The following DGKI variants were observed in gnomAD, a reference collection of about 807,000 sequenced individuals.
DGKI encodes the protein DAG kinase iota.
DGKI carries 55 observed loss-of-function variants against 147.5 expected under a neutral mutation model. That is an observed-to-expected ratio of 0.37 (90% CI 0.30 to 0.47). DGKI has a LOEUF of 0.47. Among genes scored for constraint, DGKI ranks in the 20% least tolerant of loss-of-function variants. The pLI, the probability that DGKI is intolerant of heterozygous loss-of-function variation, is 1.00. For synonymous variants in DGKI, 469 were observed against 477.1 expected, an observed-to-expected ratio of 0.98 and a Z score of 0.22; for missense variants, 1,007 against 1,323.8, an observed-to-expected ratio of 0.76 and a Z score of 3.71.
At chr7:137,516,733 A>G (rs1055375933) in intron 21 of DGKI, among the ~76,000 whole-genome samples, 3 of 152,084 alleles carry the variant, frequency 2.0e-5, no homozygotes, top group Non-Finnish European at 4.4e-5. Context: ...CATATAACTG[A>G]TGCAAACATG....
chr7:137,785,695 C>A (rs770917458), intron 1 of DGKI, among the ~76,000 whole-genome samples: 10 of 151,936 alleles, frequency 6.6e-5, no homozygotes, highest in Non-Finnish European at 1.0e-4. Context: ...AGACCAATAC[C>A]CTTGATCAAC....
intron 1 of DGKI, among the ~76,000 whole-genome samples, chr7:137,804,948 G>A (rs1241496753): frequency 6.6e-6 from 1 of 152,098 alleles, no homozygotes; most frequent in East Asian, 1.9e-4. Flanking sequence ...GTTTTCAGCT[G>A]TATTTCCACC....
At chr7:137,523,419 G>A (rs1817031956) in intron 20 of DGKI, among the ~76,000 whole-genome samples, 1 of 150,246 alleles carries the variant, frequency 6.7e-6, no homozygotes, top group Non-Finnish European at 1.5e-5. Context: ...CACACATGGT[G>A]CATTCTCTCT....
intron 20 of DGKI, among the ~76,000 whole-genome samples, chr7:137,545,157 T>C (rs1254265171): frequency 6.6e-6 from 1 of 152,152 alleles, no homozygotes; most frequent in East Asian, 1.9e-4. Flanking sequence ...AGAAGGGAGA[T>C]AATTATACCA....
chr7:137,391,363 AAAG>A (rs1389658623), intron 32 of DGKI, 27 bp from the exon 33 acceptor site: 18 of 1,460,614 alleles, frequency 1.2e-5, no homozygotes, highest in South Asian at 2.6e-5. Context: ...AGAAAAAAAA[AAAG>A]AGAGAGAGAG....
chr7:137,611,687 G>T (rs532994681), intron 8 of DGKI, among the ~76,000 whole-genome samples: 66 of 152,214 alleles, frequency 4.3e-4, no homozygotes, highest in African/African-American at 1.5e-3. Context: ...AGTTAGCTGG[G>T]TATTCATCCC....
intron 18 of DGKI, among the ~76,000 whole-genome samples, chr7:137,571,849 G>C (rs1418474632): frequency 1.3e-5 from 2 of 152,062 alleles, no homozygotes; most frequent in Non-Finnish European, 2.9e-5. Flanking sequence ...GGAGAAGCAA[G>C]AAAAGACAGA....
At chr7:137,513,136 T>C (rs1051588346) in intron 21 of DGKI, among the ~76,000 whole-genome samples, 1 of 152,222 alleles carries the variant, frequency 6.6e-6, no homozygotes, top group Non-Finnish European at 1.5e-5. Context: ...ACTAGTAAGC[T>C]TGCTTCTTCT....
intron 27 of DGKI, among the ~76,000 whole-genome samples, chr7:137,445,987 T>C (rs1340858548): frequency 1.3e-5 from 2 of 152,194 alleles, no homozygotes; most frequent in Non-Finnish European, 2.9e-5. Flanking sequence ...TTCAGGTGCT[T>C]AGGTCATACT....
At chr7:137,645,679 A>C (rs2129008494) in intron 5 of DGKI, 142 bp from the exon 6 acceptor site, 2 of 643,360 alleles carry the variant, frequency 3.1e-6, no homozygotes, top group East Asian at 6.0e-5. Flanking sequence ...CAATTCACCC[A>C]TCTCAGCCTC....
At chr7:137,716,062 G>T (rs1186422113) in intron 1 of DGKI, among the ~76,000 whole-genome samples, 1 of 152,314 alleles carries the variant, frequency 6.6e-6, no homozygotes, top group East Asian at 1.9e-4. Flanking sequence ...GCAAGAGTTT[G>T]AAGCTCTGAA....
intron 21 of DGKI, among the ~76,000 whole-genome samples, chr7:137,490,447 G>A (rs1465655116): frequency 6.6e-6 from 1 of 152,072 alleles, no homozygotes; most frequent in Admixed American, 6.6e-5. Flanking sequence ...TCTTTAGCCA[G>A]AAAACAGACA....
At chr7:137,495,654 A>T (rs1815940170) in intron 21 of DGKI, among the ~76,000 whole-genome samples, 1 of 152,144 alleles carries the variant, frequency 6.6e-6, no homozygotes, top group Non-Finnish European at 1.5e-5. Context: ...GTGGTTCAAC[A>T]TACACGAATC....
intron 1 of DGKI, among the ~76,000 whole-genome samples, chr7:137,770,371 G>A (rs1563189926): frequency 6.6e-6 from 1 of 152,130 alleles, no homozygotes; most frequent in African/African-American, 2.4e-5. Context: ...TGCATGAGGG[G>A]CTTAAAACCT....
chr7:137,393,910 A>G (rs547913414), intron 32 of DGKI, among the ~76,000 whole-genome samples: 49 of 152,322 alleles, frequency 3.2e-4, no homozygotes, highest in African/African-American at 1.2e-3. Context: ...GGCCCCAGGG[A>G]AAAAAATTGC....
intron 1 of DGKI, chr7:137,771,752 T>C (rs1160195765): frequency 6.6e-6 from 1 of 152,216 alleles, no homozygotes; most frequent in African/African-American, 2.4e-5. Flanking sequence ...TTCATTCAAA[T>C]ATGTCTAACA....
intron 28 of DGKI, among the ~76,000 whole-genome samples, chr7:137,430,899 G>T (rs1425245561): frequency 6.6e-6 from 1 of 152,096 alleles, no homozygotes; most frequent in Non-Finnish European, 1.5e-5. Context: ...TCAGGACTCA[G>T]AGGGGAGTGT....
At chr7:137,579,449 AAAG>A (rs1316948027) in intron 15 of DGKI, among the ~76,000 whole-genome samples, 1 of 151,178 alleles carries the variant, frequency 6.6e-6, no homozygotes, top group Non-Finnish European at 1.5e-5. Context: ...AAAAAAAAAA[AAAG>A]AAAGAAAAAA....
chr7:137,472,918 A>G (rs1416029982), intron 23 of DGKI, among the ~76,000 whole-genome samples: 1 of 152,126 alleles, frequency 6.6e-6, no homozygotes, highest in Non-Finnish European at 1.5e-5. Flanking sequence ...CTGTATGTAA[A>G]AATCAATGGA....
Sources: allele counts gnomAD v4.1 joint callset (sites outside exome capture counted in the v4.1 genomes callset), GRCh38; gene constraint gnomAD v4.1.1; transcripts MANE v1.5; gene names NCBI Gene and HGNC (gene_info 2026-07-23, HGNC 2026-07-21).